The following JAK2 variants were observed in gnomAD, a reference collection of about 807,000 sequenced individuals.
JAK2 encodes Janus kinase 2.
JAK2 carries 86 observed loss-of-function variants against 139.3 expected under a neutral mutation model. The ratio of observed to expected loss-of-function variants is 0.62; its 90% CI spans 0.52 to 0.74. The LOEUF (loss-of-function observed/expected upper bound fraction) is 0.74. JAK2 is among the 30% of genes least tolerant of loss of function. The pLI is 0.00. For missense variants in JAK2, 1,421 were observed against 1,360.3 expected (o/e 1.04, Z -0.70); for synonymous variants, 490 against 437.7 (o/e 1.12, Z -1.49).
intron 19 of JAK2, among the ~76,000 whole-genome samples, chr9:5,084,397 C>A (rs1012838952): frequency 6.6e-6 from 1 of 152,124 alleles, no homozygotes; most frequent in African/African-American, 2.4e-5. Context: ...GATTGCATGT[C>A]ACCTTTCCAT....
At chr9:5,066,638 G>A (rs200904676) in intron 9 of JAK2, 40 bp from the exon 10 acceptor site, 2 of 1,080,448 alleles carry the variant, frequency 1.9e-6, no homozygotes, top group Admixed American at 3.4e-5. Context: ...ATATTATGGT[G>A]CTTGATATAT....
intron 22 of JAK2, chr9:5,111,243 G>C (rs1822491188): frequency 1.8e-6 from 1 of 548,000 alleles, no homozygotes; most frequent in East Asian, 4.4e-5. Context: ...TTCCTCCTTT[G>C]GTAGAGACGC....
At chr9:5,062,314 C>CA (rs1818236288) in intron 8 of JAK2, among the ~76,000 whole-genome samples, 2 of 151,866 alleles carry the variant, frequency 1.3e-5, no homozygotes, top group Non-Finnish European at 2.9e-5. Context: ...TGAGGGACAA[C>CA]TGTACAATAG....
chr9:5,014,160 CTT>C (rs925853348), intron 2 of JAK2, among the ~76,000 whole-genome samples: 2 of 136,362 alleles, frequency 1.5e-5, no homozygotes, highest in African/African-American at 2.7e-5. Flanking sequence ...TTTATTTACT[CTT>C]TCTTTTTTTT....
intron 22 of JAK2, among the ~76,000 whole-genome samples, chr9:5,106,311 G>A (rs1399412943): frequency 6.6e-6 from 1 of 152,164 alleles, no homozygotes; most frequent in Admixed American, 6.5e-5. Context: ...TATCATCACT[G>A]GTCATCAGAG....
In JAK2 at chr9:5,129,466, T is replaced by TTATTTCTCATGAAAGTTTCTCTAA. The variant is rs1465870931; in HGVS notation, c.*2683_*2706dup. Among the ~76,000 whole-genome samples, 2 of 152,130 alleles carry TTATTTCTCATGAAAGTTTCTCTAA rather than the reference T, an allele frequency of 1.3e-5. No individual in the cohort carries two copies. Among genetic ancestry groups the TTATTTCTCATGAAAGTTTCTCTAA allele is most frequent in the African/African-American group, 4.8e-5 (2 of 41,454 alleles). On this transcript the variant is annotated 3_prime_UTR_variant, in exon 25 of 25. Coordinates refer to ENST00000381652, the MANE Select transcript of JAK2 (RefSeq NM_004972.4). The stretch of plus-strand genomic sequence containing the variant: ...TCCCATCCTAATTCTTGTACTGAAA[T>TTATTTCTCATGAAAGTTTCTCTAA]TATTTCTCATGAAAGTTTCTCTAAT...
intron 8 of JAK2, among the ~76,000 whole-genome samples, chr9:5,057,687 A>G (rs2130434640): frequency 6.7e-6 from 1 of 150,152 alleles, no homozygotes; most frequent in African/African-American, 2.5e-5. Flanking sequence ...GGTTCAAGCA[A>G]TTTTCCTGCC....
chr9:5,126,393 G>T lies in JAK2; in HGVS notation c.3238G>T (p.Glu1080Ter). 6.2e-7 allele frequency: 1 copy of T among 1,611,078 alleles called. No individual in the cohort carries two copies. Among genetic ancestry groups the T allele is most frequent in the South Asian group, 1.1e-5 (1 of 90,850 alleles). ...ACAGATGATCGTGTTCCATTTGATA[G>T]AACTTTTGAAGAATAATGGAAGATT... is the stretch of plus-strand genomic sequence containing the variant. ...QGQMIVFHLIELLKNNGRLPR... is the reference protein window; with the variant it reads ...QGQMIVFHLI The change falls in exon 24 of 25, where the codon GAA becomes TAA. Residue 1080 changes from glutamate to a stop codon, truncating the protein, a stop_gained. Transcript: ENST00000381652. LOFTEE classifies it high-confidence loss of function.
At chr9:5,050,861 AAGTGTG>A in intron 6 of JAK2, 30 bp downstream of exon 6, 1 of 1,563,096 alleles carries the variant, frequency 6.4e-7, no homozygotes. Context: ...CCTTACACAT[AAGTGTG>A]AGTAGAGATT....
At chr9:5,106,936 C>T (rs536608936) in intron 22 of JAK2, among the ~76,000 whole-genome samples, 5 of 152,100 alleles carry the variant, frequency 3.3e-5, no homozygotes, top group East Asian at 3.8e-4. Context: ...ATGTAAATGA[C>T]GAGTTAATGG....
intron 8 of JAK2, among the ~76,000 whole-genome samples, chr9:5,059,455 G>A (rs752364578): frequency 1.3e-5 from 2 of 152,096 alleles, no homozygotes; most frequent in Admixed American, 1.3e-4. Context: ...AATTTTAAAT[G>A]TATTCTGTTG....
At chr9:5,006,811 C>G (rs909439295) in intron 2 of JAK2, among the ~76,000 whole-genome samples, 3 of 152,150 alleles carry the variant, frequency 2.0e-5, no homozygotes, top group Non-Finnish European at 1.5e-5. Context: ...GGTGGGGACA[C>G]AGAACCAAAC....
chr9:5,082,325 T>G (rs1819759950), intron 19 of JAK2, among the ~76,000 whole-genome samples: 1 of 152,128 alleles, frequency 6.6e-6, no homozygotes, highest in Non-Finnish European at 1.5e-5. Flanking sequence ...CACAAATAAG[T>G]TCAAGGGAAG....
At chr9:5,020,336 C>T (rs1048276603) in intron 2 of JAK2, among the ~76,000 whole-genome samples, 2 of 152,118 alleles carry the variant, frequency 1.3e-5, no homozygotes, top group Non-Finnish European at 2.9e-5. Flanking sequence ...ATCCCAAGGC[C>T]CCCAGATAAC....
intron 3 of JAK2, among the ~76,000 whole-genome samples, chr9:5,029,076 C>G (rs569968453): frequency 6.6e-6 from 1 of 152,324 alleles, no homozygotes; most frequent in Admixed American, 6.5e-5. Flanking sequence ...ACCTTCCTCA[C>G]TTAGTTTAAT....
chr9:5,037,610 A>G (rs1246564619), intron 4 of JAK2, among the ~76,000 whole-genome samples: 1 of 152,310 alleles, frequency 6.6e-6, no homozygotes, highest in Admixed American at 6.5e-5. Context: ...CGCAAGGACA[A>G]AAAACCAAAC....
intron 4 of JAK2, among the ~76,000 whole-genome samples, chr9:5,036,149 C>T (rs914195093): frequency 5.3e-5 from 8 of 151,144 alleles, no homozygotes; most frequent in African/African-American, 1.9e-4. Context: ...AAAGAGAATA[C>T]CTAGGAATCC....
Position 5,128,833 on chromosome 9 carries a change from G to T in JAK2, c.*2042G>T, listed in dbSNP as rs1228321582. Among the ~76,000 whole-genome samples the T allele has an allele frequency of 6.6e-6, 1 of 151,876 alleles. No homozygotes were observed. The highest frequency in any genetic ancestry group is 1.5e-5 in the Non-Finnish European group (1 of 67,842). On this transcript the variant is annotated 3_prime_UTR_variant, in exon 25 of 25. Transcript: ENST00000381652. ...TACAAGAAACAGGTAAGTAATTATT[G>T]TACCAGTTAATGCCAAAATATTTTT...
intron 3 of JAK2, among the ~76,000 whole-genome samples, chr9:5,025,783 C>T (rs537500392): frequency 1.2e-4 from 18 of 152,254 alleles, no homozygotes; most frequent in Admixed American, 3.9e-4. Flanking sequence ...CCACCTGCCT[C>T]GGCCTCTCAA....
Sources: allele counts gnomAD v4.1 joint callset (sites outside exome capture counted in the v4.1 genomes callset), GRCh38; gene constraint gnomAD v4.1.1; transcripts MANE v1.5; gene names NCBI Gene and HGNC (gene_info 2026-07-23, HGNC 2026-07-21).